Variants in RUFY4 observed in about 807,000 individuals in gnomAD.
RUFY4 encodes the protein RUN and FYVE domain-containing protein 4.
RUFY4 carries 73 observed loss-of-function variants against 69.0 expected under a neutral mutation model. That is an observed-to-expected ratio of 1.06 (90% CI 0.88 to 1.29). RUFY4 has a LOEUF of 1.29. RUFY4 is among the 50% of genes most tolerant of loss of function. The pLI is 0.00. For missense variants in RUFY4, 770 were observed against 705.6 expected, an observed-to-expected ratio of 1.09 and a Z score of -1.03; for synonymous variants, 287 against 271.8, an observed-to-expected ratio of 1.06 and a Z score of -0.55.
At chr2:218,085,671 GCTGCCTTCTGC>G (rs1166161219) in intron 9 of RUFY4, among the ~76,000 whole-genome samples, 1 of 152,198 alleles carries the variant, frequency 6.6e-6, no homozygotes, top group Non-Finnish European at 1.5e-5. Context: ...ATCCATACCT[GCTGCCTTCTGC>G]CTGCCTCCCC....
intron 5 of RUFY4, 148 bp downstream of exon 7, chr2:218,073,534 G>A (rs1477848815): frequency 1.8e-5 from 21 of 1,166,708 alleles, no homozygotes; most frequent in South Asian, 9.1e-5. Context: ...TCTAGCCCTC[G>A]ATGCTCCCAG....
intron 2 of RUFY4, among the ~76,000 whole-genome samples, chr2:218,052,951 T>C (rs1688979879): frequency 6.6e-6 from 1 of 151,980 alleles, no homozygotes; most frequent in Non-Finnish European, 1.5e-5. Context: ...ATTCCACTTA[T>C]TATTATTATA....
chr2:218,076,120 TC>T (rs1689626073), intron 7 of RUFY4, among the ~76,000 whole-genome samples: 1 of 152,184 alleles, frequency 6.6e-6, no homozygotes, highest in Non-Finnish European at 1.5e-5. Context: ...ACCTAGTTGC[TC>T]CTGTGGTGGA....
At chr2:218,056,667 A>C (rs1254651131) in intron 2 of RUFY4, among the ~76,000 whole-genome samples, 1 of 152,242 alleles carries the variant, frequency 6.6e-6, no homozygotes, top group Admixed American at 6.5e-5. Flanking sequence ...TTGAGTGTCC[A>C]GAGGAGAAAG....
At position 218,075,432 on chromosome 2, in the gene RUFY4, G is replaced by A. The variant is rs1054779284; in HGVS notation, c.940G>A (p.Ala314Thr). Residue 314 changes from alanine (A) to threonine (T), a missense_variant, in exon 7 of 11, where the codon GCT (alanine) becomes ACT (threonine). By Grantham distance (58) the Ala-to-Thr change is moderately conservative. Coordinates refer to ENST00000344321, the Ensembl canonical transcript of RUFY4. ...TCAGAAGGAGGTGATAGGGATGGAG[G>A]CTGAGGTCACAGGGGTTCTGCTGGT... 11 of 1,612,032 alleles carry A rather than the reference G, an allele frequency of 6.8e-6. No individual in the cohort carries two copies. In the African/African-American group the frequency reaches 1.3e-4, roughly 20 times the overall value.
intron 2 of RUFY4, among the ~76,000 whole-genome samples, chr2:218,042,996 G>C (rs575105066): frequency 1.3e-5 from 2 of 152,310 alleles, no homozygotes; most frequent in South Asian, 2.1e-4. Context: ...GTGGCCAGTG[G>C]TGCCTTTGCC....
At chr2:218,064,987 C>T (rs560918235), upstream of RUFY4, among the ~76,000 whole-genome samples, 1 of 152,278 alleles carries the variant, frequency 6.6e-6, no homozygotes. Flanking sequence ...CAGCCTAAAA[C>T]ATCTGGGCAG....
upstream of RUFY4, among the ~76,000 whole-genome samples, chr2:218,070,045 A>T (rs536019110): frequency 2.0e-5 from 3 of 152,336 alleles, no homozygotes; most frequent in African/African-American, 7.2e-5. Context: ...GCTGGGGCAC[A>T]GGAAAGGATG....
At position 218,072,807 on chromosome 2, in the gene RUFY4, C is replaced by T. The variant is rs891597474; in HGVS notation, c.308C>T (p.Ala103Val). ...AAGACCCCTCTGGGGAAAGGCCGTGCCTTCATCCGCTTCTGCCTGGCCCGT... is the reference window on the plus strand; with the variant it reads ...AAGACCCCTCTGGGGAAAGGCCGTGTCTTCATCCGCTTCTGCCTGGCCCGT... Residue 103 changes from alanine (A) to valine (V), a missense_variant, in exon 4 of 11, where the codon GCC becomes GTC. Coordinates refer to ENST00000344321, the Ensembl canonical transcript of RUFY4. 7 of 1,535,234 alleles carry T rather than the reference C, an allele frequency of 4.6e-6. No homozygotes were observed. In the South Asian group the frequency reaches 8.4e-5, roughly 18 times the overall value.
intron 8 of RUFY4, among the ~76,000 whole-genome samples, chr2:218,080,169 G>A (rs1190230289): frequency 6.6e-6 from 1 of 152,236 alleles, no homozygotes; most frequent in East Asian, 1.9e-4. Flanking sequence ...CCGGAGCCAG[G>A]GGCCTCAAAG....
chr2:218,058,186 C>G (rs750969315), intron 2 of RUFY4, among the ~76,000 whole-genome samples: 2 of 152,234 alleles, frequency 1.3e-5, no homozygotes, highest in Non-Finnish European at 2.9e-5. Context: ...AAAGCCTGCA[C>G]TCCACTCTGT....
intron 2 of RUFY4, among the ~76,000 whole-genome samples, chr2:218,053,640 A>G (rs7573106): frequency 0.084 from 12,728 of 152,146 alleles, 1,642 homozygotes; most frequent in African/African-American, 0.28. Flanking sequence ...CTCCCGGGTA[A>G]CTGGGACTAC....
intron 6 of RUFY4, among the ~76,000 whole-genome samples, chr2:218,074,444 G>A (rs527958776): frequency 6.6e-6 from 1 of 152,246 alleles, no homozygotes; most frequent in East Asian, 1.9e-4. Flanking sequence ...TGTGGTCACC[G>A]TCGTTGTTAT....
chr2:218,073,179 G>A (rs1185366692), intron 4 of RUFY4, 64 bp from the exon 7 acceptor site: 1 of 1,518,950 alleles, frequency 6.6e-7, no homozygotes, highest in African/African-American at 1.4e-5. Context: ...GGGTGGGGGT[G>A]GTTGGGGCAG....
At chr2:218,089,807 G>A (rs1689988596) in intron 10 of RUFY4, 145 bp from the exon 13 acceptor site, 1 of 739,270 alleles carries the variant, frequency 1.4e-6, no homozygotes, top group African/African-American at 1.7e-5. Flanking sequence ...GACCTCCTGA[G>A]ACAAACCAAG....
chr2:218,072,996 A>T, intron 4 of RUFY4, 111 bp downstream of exon 6: 1 of 1,002,918 alleles, frequency 1.0e-6, no homozygotes, highest in Non-Finnish European at 1.4e-6. Context: ...GGACAGTTAC[A>T]ATGAGAGTCA....
At chr2:218,077,338 C>T (rs979951927) in intron 8 of RUFY4, among the ~76,000 whole-genome samples, 3 of 152,194 alleles carry the variant, frequency 2.0e-5, no homozygotes, top group Non-Finnish European at 1.5e-5. Context: ...CTACCATCCC[C>T]CCTCAGTCCT....
At chr2:218,072,599 T>C (rs1167305126) in intron 3 of RUFY4, 100 bp downstream of exon 5, 6 of 1,460,090 alleles carry the variant, frequency 4.1e-6, no homozygotes, top group African/African-American at 2.8e-5. Flanking sequence ...ACCCCTCACC[T>C]GCTCTGCATG....
intron 2 of RUFY4, among the ~76,000 whole-genome samples, chr2:218,039,131 C>T (rs1274389036): frequency 6.6e-6 from 1 of 152,158 alleles, no homozygotes. Context: ...CTTTAAACTT[C>T]CTGTCACTAT....
Sources: gnomAD v4.1 joint callset for allele counts (sites outside exome capture counted in the v4.1 genomes callset) on GRCh38, gnomAD v4.1.1 for gene constraint, MANE v1.5 for transcripts, NCBI Gene and HGNC (gene_info 2026-07-23, HGNC 2026-07-21) for gene names.